Variants in TRAPPC8 observed in about 807,000 individuals in gnomAD.
TRAPPC8 encodes the protein general sporulation gene 1 homolog.
In TRAPPC8, 54 loss-of-function variants were observed where a neutral mutation model predicts 174.3. That is an observed-to-expected ratio of 0.31 (90% CI 0.25 to 0.39). The LOEUF (loss-of-function observed/expected upper bound fraction) is 0.39, where lower values mean the gene tolerates loss of function less well. Among genes scored for constraint, TRAPPC8 ranks in the 10% least tolerant of loss-of-function variants. The pLI is 1.00. For synonymous variants in TRAPPC8, 630 were observed against 579.9 expected (o/e 1.09, Z -1.24); for missense variants, 1,531 against 1,699.1 (o/e 0.90, Z 1.74).
Position 31,873,412 on chromosome 18 carries a change from A to C in TRAPPC8, c.2062+18T>G, listed in dbSNP as rs879041617. On this transcript the variant is annotated intron_variant, in intron 14 of 28. Coordinates refer to ENST00000283351, the MANE Select transcript of TRAPPC8 (RefSeq NM_014939.5). ...TAAATTGTCATTAGGTAATTAGGCT[A>C]AATAAAACTTTACTAACCATCCGCT... 3 of 1,586,334 alleles carry C rather than the reference A, an allele frequency of 1.9e-6. No individual in the cohort carries two copies. The South Asian group carries it at 3.4e-5, about 18-fold the overall frequency.
Position 31,874,576 on chromosome 18 carries a change from A to G in TRAPPC8, c.1857T>C (p.Asn619=). The G allele has an allele frequency of 6.2e-7, 1 of 1,614,122 alleles. No homozygotes were observed. The highest frequency in any genetic ancestry group is 8.5e-7 in the Non-Finnish European group (1 of 1,179,976). The stretch of plus-strand genomic sequence containing the variant: ...GAATATGCCTAAAAGCAGACACAGC[A>G]TTATCCAGCTGTCTAAGAGTATAGG... ...RQSYTLRQLD[N]AVSAFRHILI... Residue 619 remains asparagine (N), a synonymous_variant, in exon 13 of 29, where the codon AAT becomes AAC. Coordinates refer to ENST00000283351, the MANE Select transcript of TRAPPC8 (RefSeq NM_014939.5).
intron 1 of TRAPPC8, among the ~76,000 whole-genome samples, chr18:31,934,087 C>T (rs2145644205): frequency 6.6e-6 from 1 of 151,960 alleles, no homozygotes; most frequent in Non-Finnish European, 1.5e-5. Context: ...ATTTGGAAGG[C>T]TGAGGCAAGA....
At chr18:31,909,146 T>TA (rs2036799652) in intron 6 of TRAPPC8, 136 bp from the exon 7 acceptor site, 1 of 810,280 alleles carries the variant, frequency 1.2e-6, no homozygotes, top group South Asian at 3.5e-5. Flanking sequence ...ATGTCTAAGA[T>TA]AAAACAGCAG....
intron 1 of TRAPPC8, among the ~76,000 whole-genome samples, chr18:31,941,055 G>GC (rs2144337062): frequency 6.6e-6 from 1 of 152,298 alleles, no homozygotes; most frequent in Admixed American, 6.5e-5. Flanking sequence ...GTTACACAAA[G>GC]CAAGTATCAG....
chr18:31,877,815 C>T lies in TRAPPC8; in HGVS notation c.1729-3111G>A, dbSNP rs148498056. On this transcript the variant is annotated intron_variant, in intron 12 of 28. Transcript: ENST00000283351. The stretch of plus-strand genomic sequence containing the variant: ...GCGCGTGCCTGTAATCCCAGCTACT[C>T]GGGAGGCTGAGGCAGGAGAATCGCT... 6.1e-3 allele frequency among the ~76,000 whole-genome samples: 915 copies of T among 150,550 alleles called. 11 individuals are homozygous for T. Among genetic ancestry groups the T allele is most frequent in the African/African-American group, 0.021 (875 of 40,918 alleles).
chr18:31,831,063 T>C, intron 28 of TRAPPC8, 74 bp from the exon 29 acceptor site: 1 of 1,343,468 alleles, frequency 7.4e-7, no homozygotes, highest in Non-Finnish European at 1.0e-6. Context: ...CATTAACATA[T>C]CCCTTTCAGC....
chr18:31,846,091 A>G (rs1030601806), intron 26 of TRAPPC8, among the ~76,000 whole-genome samples: 1 of 152,216 alleles, frequency 6.6e-6, no homozygotes, highest in African/African-American at 2.4e-5. Context: ...TCTACTCTTA[A>G]GCAAATCAAT....
At chr18:31,931,546 A>C (rs1452089392) in intron 1 of TRAPPC8, 23 bp from the exon 2 acceptor site, 6 of 1,487,108 alleles carry the variant, frequency 4.0e-6, no homozygotes, top group Non-Finnish European at 3.6e-6. Context: ...AAAGAAAAAA[A>C]CTTGAAATTA....
intron 11 of TRAPPC8, among the ~76,000 whole-genome samples, chr18:31,893,938 T>G (rs2036077227): frequency 6.6e-6 from 1 of 152,190 alleles, no homozygotes; most frequent in Non-Finnish European, 1.5e-5. Flanking sequence ...TCCTGGACAT[T>G]CTCATAAGCT....
chr18:31,869,773 T>C (rs551300529), intron 16 of TRAPPC8, among the ~76,000 whole-genome samples: 44 of 152,158 alleles, frequency 2.9e-4, no homozygotes. Context: ...ATCCCAAATA[T>C]GTGGGAAAAA....
rs143587657 is a variant in TRAPPC8 at position 31,942,119 on chromosome 18, G to A, written c.157+489C>T. The stretch of plus-strand genomic sequence containing the variant: ...ATATTAGTAAAACAGCTACACGGTA[G>A]TTCAGACAGAGATGACCCTCAACGC... On this transcript the variant is annotated intron_variant, in intron 1 of 28. Coordinates refer to ENST00000283351, the MANE Select transcript of TRAPPC8 (RefSeq NM_014939.5). 2.6e-5 allele frequency among the ~76,000 whole-genome samples: 4 copies of A among 152,326 alleles called. No individual in the cohort carries two copies. In the East Asian group the frequency reaches 7.7e-4, roughly 29 times the overall value.
At chr18:31,915,712 G>A (rs575906428) in intron 4 of TRAPPC8, among the ~76,000 whole-genome samples, 33 of 145,162 alleles carry the variant, frequency 2.3e-4, no homozygotes, top group Non-Finnish European at 4.0e-4. Context: ...GTGAAACCCC[G>A]TCTCTACTAA....
chr18:31,876,930 C>T (rs1052938411), intron 12 of TRAPPC8, among the ~76,000 whole-genome samples: 2 of 152,194 alleles, frequency 1.3e-5, no homozygotes, highest in African/African-American at 4.8e-5. Flanking sequence ...CTGCCCTGCC[C>T]AGGAAATCTC....
rs141477863 is a variant in TRAPPC8 at position 31,839,037 on chromosome 18, A to G, written c.3983+275T>C. ...TGGCAAACTTTTGAAGTGTTGCCTG[A>G]TTCAGGACTTCTTATTTTTAGAATT... On this transcript the variant is annotated intron_variant, in intron 27 of 28. Coordinates refer to ENST00000283351, the MANE Select transcript of TRAPPC8 (RefSeq NM_014939.5). 6.6e-5 allele frequency among the ~76,000 whole-genome samples: 10 copies of G among 152,294 alleles called. No homozygotes were observed. The South Asian group carries it at 1.7e-3, about 25-fold the overall frequency.
intron 11 of TRAPPC8, 141 bp from the exon 12 acceptor site, chr18:31,891,007 G>A: frequency 9.7e-6 from 6 of 620,076 alleles, no homozygotes; most frequent in Middle Eastern, 5.2e-4. Flanking sequence ...AAGATCAAGG[G>A]GAAAACCAAT....
intron 19 of TRAPPC8, 145 bp from the exon 20 acceptor site, chr18:31,858,127 C>G (rs2034131771): frequency 1.6e-6 from 1 of 642,966 alleles, no homozygotes. Flanking sequence ...GAATATGTGG[C>G]AGTTAATGAC....
chr18:31,878,839 T>C (rs963911703), intron 12 of TRAPPC8, among the ~76,000 whole-genome samples: 2 of 151,886 alleles, frequency 1.3e-5, no homozygotes, highest in African/African-American at 4.8e-5. Flanking sequence ...TGTTATCAAA[T>C]AAAATGGACT....
intron 4 of TRAPPC8, among the ~76,000 whole-genome samples, 164 bp from the exon 5 acceptor site, chr18:31,913,686 T>C (rs2037012638): frequency 6.6e-6 from 1 of 152,000 alleles, no homozygotes; most frequent in Admixed American, 6.6e-5. Context: ...TTCTAGAAAA[T>C]TAGGACAGAA....
At chr18:31,913,555 A>G in intron 4 of TRAPPC8, 33 bp from the exon 5 acceptor site, 1 of 1,529,224 alleles carries the variant, frequency 6.5e-7, no homozygotes, top group Non-Finnish European at 8.8e-7. Flanking sequence ...ATCTGAAGTA[A>G]AAGAGGAGCA....
Sources: gnomAD v4.1 joint callset for allele counts (sites outside exome capture counted in the v4.1 genomes callset) on GRCh38, gnomAD v4.1.1 for gene constraint, MANE v1.5 for transcripts, NCBI Gene and HGNC (gene_info 2026-07-23, HGNC 2026-07-21) for gene names.